DDX17: variants seen among roughly 807,000 people sequenced by gnomAD.
DDX17 encodes DEAD-box helicase 17.
A neutral mutation model predicts 80.8 loss-of-function variants in DDX17; 10 were observed. The observed-to-expected ratio is 0.12, with a 90% CI of 0.08 to 0.21. The LOEUF (loss-of-function observed/expected upper bound fraction) is 0.21. DDX17 is among the 10% of genes least tolerant of loss of function. The pLI is 1.00. For missense variants in DDX17, 586 were observed against 957.4 expected (o/e 0.61, Z 5.12); for synonymous variants, 339 against 336.2 (o/e 1.01, Z -0.09).
chr22:38,491,152 C>T (rs2089710070), intron 11 of DDX17: 1 of 152,314 alleles, frequency 6.6e-6, no homozygotes, highest in Non-Finnish European at 1.5e-5. Flanking sequence ...CAGGTCACCA[C>T]CTCTGAAGGA....
rs563972625 is a variant in DDX17 at position 38,490,275 on chromosome 22, A to G, written c.1447+1781T>C. On this transcript the variant is annotated intron_variant, in intron 11 of 12. Coordinates refer to ENST00000403230, the MANE Select transcript of DDX17 (RefSeq NM_006386.5). ...TTAATGTTTTGGCCAGCTGACTGGG[A>G]TAAGAACCTTTTGTCTGAAAGGCCC... The G allele has an allele frequency of 2.1e-5, 26 of 1,264,532 alleles. No individual in the cohort carries two copies. In the South Asian group the frequency reaches 2.3e-4, roughly 11 times the overall value. The allele number at this position is 1,264,532 out of a possible 1,614,324, so 78.3% of individuals were successfully genotyped here. A position where few individuals can be genotyped will look rare whatever the true frequency, so the allele number is the denominator to read the frequency against.
chr22:38,500,288 G>A (rs1211535820), intron 2 of DDX17, among the ~76,000 whole-genome samples: 1 of 151,886 alleles, frequency 6.6e-6, no homozygotes, highest in Non-Finnish European at 1.5e-5. Flanking sequence ...ATCAACAAGA[G>A]AACAAATTAA....
At chr22:38,493,684 C>A (rs762427344) in intron 10 of DDX17, 26 bp downstream of exon 10, 1 of 1,583,500 alleles carries the variant, frequency 6.3e-7, no homozygotes, top group Non-Finnish European at 8.7e-7. Context: ...GGGGAATCAA[C>A]AGAAAATGCT....
Position 38,485,897 on chromosome 22 carries a change from TA to T in DDX17, c.*37del, listed in dbSNP as rs1176747574. 1 of 1,595,412 alleles carries T rather than the reference TA, an allele frequency of 6.3e-7. No individual in the cohort carries two copies. The highest frequency in any genetic ancestry group is 8.5e-7 in the Non-Finnish European group (1 of 1,171,536). ...AGGAAAGACAGTGTTCCTTAAAATG[TA>T]ATTAAGTCTGCTGGAGTCACTACCA... On this transcript the variant is annotated 3_prime_UTR_variant, in exon 13 of 13. Transcript: ENST00000403230.
intron 1 of DDX17, among the ~76,000 whole-genome samples, chr22:38,502,175 C>T (rs935708871): frequency 2.0e-5 from 3 of 152,142 alleles, no homozygotes; most frequent in African/African-American, 7.2e-5. Context: ...CTTTGGGAGG[C>T]GGAGGCCAGT....
Position 38,486,107 on chromosome 22 carries a change from T to C in DDX17, c.2018A>G (p.Gln673Arg). The change falls in exon 13 of 13, where the codon CAG becomes CGG. Residue 673 changes from glutamine to arginine, a missense_variant. Gln to Arg is a conservative substitution (Grantham distance 43). Around this residue, in one of 4 missense-constraint regions of DDX17, gnomAD observed 221 missense variants for 261.4 expected, o/e 0.85. Coordinates refer to ENST00000403230, the MANE Select transcript of DDX17 (RefSeq NM_006386.5). ...CCCACTAAACTGCTGGCTAGAGCTC[T>C]GTGAACTTCTCCCAGTTGAGGTGGT... 6.2e-7 allele frequency: 1 copy of C among 1,614,208 alleles called. No individual in the cohort carries two copies. The highest frequency in any genetic ancestry group is 8.5e-7 in the Non-Finnish European group (1 of 1,180,038).
chr22:38,505,707 C>A, intron 1 of DDX17: 1 of 509,760 alleles, frequency 2.0e-6, no homozygotes, highest in Non-Finnish European at 3.4e-6. Flanking sequence ...TGGGATGGGG[C>A]CGGGCCGCGC....
At position 38,501,152 on chromosome 22, in the gene DDX17, G is replaced by A. The variant is rs1320978048; in HGVS notation, c.416C>T (p.Pro139Leu). Residue 139 changes from proline to leucine, a missense_variant, in exon 2 of 13, where the codon CCG (proline) becomes CTG (leucine). Transcript: ENST00000403230. ...TACTGGTGTCAGCCTTGCTACTTCC[G>A]GATGTTCCACATAAAAATTTTTCTC... 5.0e-6 allele frequency: 8 copies of A among 1,613,452 alleles called. No individual in the cohort carries two copies. The highest frequency in any genetic ancestry group is 3.3e-4 in the Middle Eastern group (2 of 6,084).
At chr22:38,500,077 G>T (rs1162554334) in intron 2 of DDX17, among the ~76,000 whole-genome samples, 1 of 151,756 alleles carries the variant, frequency 6.6e-6, no homozygotes, top group Non-Finnish European at 1.5e-5. Flanking sequence ...TCGGGAGGCT[G>T]AGGTGGGAGA....
At chr22:38,486,566 TC>T in intron 12 of DDX17, 126 bp from the exon 13 acceptor site, 1 of 1,329,632 alleles carries the variant, frequency 7.5e-7, no homozygotes. Context: ...CTGGCCAGCC[TC>T]CCAATTAGTA....
intron 10 of DDX17, 124 bp from the exon 11 acceptor site, chr22:38,492,239 G>A (rs1367808377): frequency 8.6e-6 from 6 of 697,306 alleles, no homozygotes; most frequent in Non-Finnish European, 1.2e-5. Flanking sequence ...ATGACTGACA[G>A]TGATTCTTTT....
At chr22:38,497,826 G>T (rs2089785883) in intron 5 of DDX17, among the ~76,000 whole-genome samples, 2 of 151,970 alleles carry the variant, frequency 1.3e-5, no homozygotes, top group Non-Finnish European at 2.9e-5. Flanking sequence ...GAAAACACTT[G>T]ATTTACTGCA....
intron 1 of DDX17, among the ~76,000 whole-genome samples, chr22:38,504,455 G>A (rs529632863): frequency 5.9e-5 from 9 of 152,280 alleles, no homozygotes; most frequent in African/African-American, 2.2e-4. Flanking sequence ...ATAAAGCTTA[G>A]GGAGGAATTG....
At position 38,489,434 on chromosome 22, in the gene DDX17, A is replaced by G; in HGVS notation, c.1448-1319T>C. Reference sequence around the variant, plus strand: ...GGCTTAGATGCTTCTCTGTAGCCCCATTTGGTTGCCAAGCGCCGGAGAACC... The same window carrying G: ...GGCTTAGATGCTTCTCTGTAGCCCCGTTTGGTTGCCAAGCGCCGGAGAACC... On this transcript the variant is annotated intron_variant, in intron 11 of 12. Transcript: ENST00000403230. This position sits in a 1 kb window ranked among gnomAD's most constrained non-coding sequence, Gnocchi z 4.6. 1 of 985,732 alleles carries G rather than the reference A, an allele frequency of 1.0e-6. No homozygotes were observed. The highest frequency in any genetic ancestry group is 1.2e-6 in the Non-Finnish European group (1 of 829,928). The allele number at this position is 985,732 out of a possible 1,614,324, so 61.1% of individuals were successfully genotyped here. A position where few individuals can be genotyped will look rare whatever the true frequency, so the allele number is the denominator to read the frequency against.
At position 38,489,904 on chromosome 22, in the gene DDX17, A is replaced by C; in HGVS notation, c.1448-1789T>G. ...AGAGCTAGGATAATGCTCCTTATGC[A>C]ATCCCACTGCATATGACCATGGCAG... is the stretch of plus-strand genomic sequence containing the variant. On this transcript the variant is annotated intron_variant, in intron 11 of 12. Coordinates refer to ENST00000403230, the MANE Select transcript of DDX17 (RefSeq NM_006386.5). The surrounding 1 kb of genome is among the most constrained non-coding windows in gnomAD (Gnocchi z 4.6). 1.0e-6 allele frequency: 1 copy of C among 988,680 alleles called. No individual in the cohort carries two copies. Among genetic ancestry groups the C allele is most frequent in the Non-Finnish European group, 1.2e-6 (1 of 831,944 alleles). The allele number at this position is 988,680 out of a possible 1,614,324, so 61.2% of individuals were successfully genotyped here.
chr22:38,495,950 A>G lies in DDX17; in HGVS notation c.739-13T>C, dbSNP rs2089760370. ...CCAGAACTAGACACTGAAACCAACA[A>G]AAAGACACTTGAGACCTCATCCAAG... On this transcript the variant is annotated splice_polypyrimidine_tract_variant and intron_variant, in intron 5 of 12. Coordinates refer to ENST00000403230, the MANE Select transcript of DDX17 (RefSeq NM_006386.5). 1.3e-6 allele frequency: 2 copies of G among 1,546,282 alleles called. No homozygotes were observed. Among genetic ancestry groups the G allele is most frequent in the Admixed American group, 2.1e-5 (1 of 48,426 alleles).
chr22:38,498,222 G>T lies in DDX17; in HGVS notation c.673-72C>A. ...CTTACTTAGATACTTAGTAATTACT[G>T]AATTAATGCATAAATAGGAAAGTGA... On this transcript the variant is annotated intron_variant, in intron 4 of 12. Coordinates refer to ENST00000403230, the MANE Select transcript of DDX17 (RefSeq NM_006386.5). The T allele has an allele frequency of 8.5e-6, 13 of 1,527,550 alleles. No individual in the cohort carries two copies. In the South Asian group the frequency reaches 1.5e-4, roughly 18 times the overall value. 94.6% of individuals were successfully genotyped at this position (1,527,550 alleles called of 1,614,324 possible). A position where few individuals can be genotyped will look rare whatever the true frequency, so the allele number is the denominator to read the frequency against.
intron 5 of DDX17, among the ~76,000 whole-genome samples, chr22:38,496,632 G>C (rs1199476120): frequency 6.6e-6 from 1 of 152,152 alleles, no homozygotes; most frequent in Admixed American, 6.5e-5. Flanking sequence ...TTACAGGTGT[G>C]AGCCACCATG....
intron 5 of DDX17, among the ~76,000 whole-genome samples, chr22:38,496,735 T>C (rs1472110362): frequency 6.6e-6 from 1 of 152,228 alleles, no homozygotes; most frequent in Non-Finnish European, 1.5e-5. Context: ...CATCACCAGG[T>C]AGATAAGGCA....
Sources: gnomAD v4.1 joint callset for allele counts (sites outside exome capture counted in the v4.1 genomes callset) on GRCh38, gnomAD v4.1.1 for gene constraint, gnomAD v4.1.1 regional missense constraint, Gnocchi (gnomAD v3.1) non-coding constraint, MANE v1.5 for transcripts, NCBI Gene and HGNC (gene_info 2026-07-23, HGNC 2026-07-21) for gene names.